The following FEZ2 variants were observed in gnomAD, a reference collection of about 807,000 sequenced individuals.
FEZ2 encodes the protein fasciculation and elongation protein zeta 2, also known as fasciculation and elongation protein zeta-2.
FEZ2 carries 51 observed loss-of-function variants against 40.4 expected under a neutral mutation model. The observed-to-expected ratio is 1.26, with a 90% CI of 1.01 to 1.59. The LOEUF (loss-of-function observed/expected upper bound fraction) is 1.59, where lower values mean the gene tolerates loss of function less well. FEZ2 is among the 40% of genes most tolerant of loss of function. The probability of loss-of-function intolerance (pLI) is 0.00; values close to 1 mark genes in which losing one functional copy is unlikely to be tolerated. For missense variants in FEZ2, 640 were observed against 438.3 expected, an observed-to-expected ratio of 1.46 and a Z score of -4.11; for synonymous variants, 242 against 172.0, an observed-to-expected ratio of 1.41 and a Z score of -3.18.
intron 3 of FEZ2, among the ~76,000 whole-genome samples, chr2:36,582,108 C>T (rs996424971): frequency 6.6e-6 from 1 of 152,048 alleles, no homozygotes; most frequent in Non-Finnish European, 1.5e-5. Context: ...CTGCTCAAAT[C>T]TTACAACAGT....
At position 36,574,817 on chromosome 2, in the gene FEZ2, C is replaced by T. The variant is rs533553336; in HGVS notation, c.903+3780G>A. ...ACAGTGCCCTTTAACCACTCTCTAACCCCCCATCCTCTGCTCCTCCAGATG... is the reference window on the plus strand; with the variant it reads ...ACAGTGCCCTTTAACCACTCTCTAATCCCCCATCCTCTGCTCCTCCAGATG... On this transcript the variant is annotated intron_variant, in intron 5 of 7. Coordinates refer to ENST00000405912, the MANE Select transcript of FEZ2 (RefSeq NM_005102.3). 7.2e-5 allele frequency among the ~76,000 whole-genome samples: 11 copies of T among 152,254 alleles called. No homozygotes were observed. The East Asian group carries it at 1.9e-3, about 27-fold the overall frequency.
Position 36,597,957 on chromosome 2 carries a change from G to A in FEZ2, c.186C>T (p.Phe62=). Residue 62 remains phenylalanine (F), a synonymous_variant, in exon 1 of 8, where the codon TTC becomes TTT. Transcript: ENST00000405912. ...CSLEEKLSLC[F]RPSDPGAEPP... is the part of the protein sequence containing the mutation. Reference sequence around the variant, plus strand: ...GCTCGGCGCCCGGATCCGAGGGGCGGAAGCACAGGCTCAGCTTCTCCTCCA... The same window carrying A: ...GCTCGGCGCCCGGATCCGAGGGGCGAAAGCACAGGCTCAGCTTCTCCTCCA... The A allele has an allele frequency of 2.0e-6, 3 of 1,469,114 alleles. No individual in the cohort carries two copies. Among genetic ancestry groups the A allele is most frequent in the Non-Finnish European group, 2.7e-6 (3 of 1,116,858 alleles). The allele number at this position is 1,469,114 out of a possible 1,614,324, so 91.0% of individuals were successfully genotyped here. A position where few individuals can be genotyped will look rare whatever the true frequency, so the allele number is the denominator to read the frequency against.
At chr2:36,588,468 G>C (rs1413300301) in intron 2 of FEZ2, among the ~76,000 whole-genome samples, 2 of 152,124 alleles carry the variant, frequency 1.3e-5, no homozygotes, top group African/African-American at 4.8e-5. Context: ...TGCAATCTAA[G>C]AACAATACAA....
chr2:36,574,140 T>G (rs1668496752), intron 5 of FEZ2, among the ~76,000 whole-genome samples: 1 of 152,226 alleles, frequency 6.6e-6, no homozygotes, highest in African/African-American at 2.4e-5. Context: ...ACAATTAGCA[T>G]TTACTCATGG....
In FEZ2 at chr2:36,583,475, A is replaced by C; in HGVS notation, c.376-6T>G. 7.2e-7 allele frequency: 1 copy of C among 1,386,942 alleles called. No individual in the cohort carries two copies. 85.9% of individuals were successfully genotyped at this position (1,386,942 alleles called of 1,614,324 possible). ...AAGAGCAAACTGTCACTTACCTAAA[A>C]ACAAAAATACCCATCATTAAAAGCA... On this transcript the variant is annotated splice_region_variant and splice_polypyrimidine_tract_variant and intron_variant, in intron 2 of 7. Coordinates refer to ENST00000405912, the MANE Select transcript of FEZ2 (RefSeq NM_005102.3).
intron 2 of FEZ2, among the ~76,000 whole-genome samples, chr2:36,583,818 C>T (rs780951296): frequency 6.6e-6 from 1 of 152,108 alleles, no homozygotes; most frequent in Admixed American, 6.5e-5. Flanking sequence ...GATTGGTAGA[C>T]GTTAACATTC....
At position 36,552,378 on chromosome 2, in the gene FEZ2, C is replaced by A; in HGVS notation, c.*785G>T. 1 of 371,322 alleles carries A rather than the reference C, an allele frequency of 2.7e-6. No individual in the cohort carries two copies. The allele number at this position is 371,322 out of a possible 1,614,324, so 23.0% of individuals were successfully genotyped here. On this transcript the variant is annotated 3_prime_UTR_variant, in exon 8 of 8. Coordinates refer to ENST00000405912, the MANE Select transcript of FEZ2 (RefSeq NM_005102.3). Reference sequence around the variant, plus strand: ...AGAATTCATACTTAAGAAAAACACACAGGCATGAATAAAATAGGACACAGT... The same window carrying A: ...AGAATTCATACTTAAGAAAAACACAAAGGCATGAATAAAATAGGACACAGT...
Position 36,593,640 on chromosome 2 carries a change from C to T in FEZ2, c.267-2629G>A, listed in dbSNP as rs941799447. Reference sequence around the variant, plus strand: ...TACACAGGGCACCAAGTCCCTAGGCCGCATACAGCAGGCAGACCCTAGGCC... The same window carrying T: ...TACACAGGGCACCAAGTCCCTAGGCTGCATACAGCAGGCAGACCCTAGGCC... On this transcript the variant is annotated intron_variant, in intron 1 of 7. Transcript: ENST00000405912. Among the ~76,000 whole-genome samples the T allele has an allele frequency of 2.6e-5, 4 of 151,986 alleles. 1 individual carries two copies. The highest frequency in any genetic ancestry group is 2.1e-4 in the South Asian group (1 of 4,824).
chr2:36,598,075 T>A lies in FEZ2; in HGVS notation c.68A>T (p.Gln23Leu). The A allele has an allele frequency of 6.8e-7, 1 of 1,472,692 alleles. No individual in the cohort carries two copies. Among genetic ancestry groups the A allele is most frequent in the East Asian group, 2.9e-5 (1 of 34,116 alleles). 91.2% of individuals were successfully genotyped at this position (1,472,692 alleles called of 1,614,324 possible). A position where few individuals can be genotyped will look rare whatever the true frequency, so the allele number is the denominator to read the frequency against. The change falls in exon 1 of 8, where the codon CAG (glutamine) becomes CTG (leucine). Residue 23 changes from glutamine (Q) to leucine (L), a missense_variant. Transcript: ENST00000405912. ...CTCGGGGCTCGCGTTACAGTTCTCC[T>A]GGTCCAGGAGGCTCCGGGCCGGCTC... ...FQEPARSLLD[Q>L]ENCNASPEPG... is the part of the protein sequence containing the mutation.
In FEZ2 at chr2:36,598,043, C is replaced by G. The variant is rs1375302053; in HGVS notation, c.100G>C (p.Ala34Pro). Residue 34 changes from alanine to proline, a missense_variant, in exon 1 of 8, where the codon GCG becomes CCG. By Grantham distance (27) the Ala-to-Pro change is conservative. Coordinates refer to ENST00000405912, the MANE Select transcript of FEZ2 (RefSeq NM_005102.3). ...CCACCCGCCTCGGCCCCCGCCTCCG[C>G]CCCAGGCTCGGGGCTCGCGTTACAG... The part of the protein sequence containing the change: ...ENCNASPEPG[A>P]EAGAEAGGGA... The G allele has an allele frequency of 2.7e-6, 4 of 1,501,742 alleles. No homozygotes were observed. The highest frequency in any genetic ancestry group is 1.5e-5 in the African/African-American group (1 of 68,824). The allele number at this position is 1,501,742 out of a possible 1,614,324, so 93.0% of individuals were successfully genotyped here. A position where few individuals can be genotyped will look rare whatever the true frequency, so the allele number is the denominator to read the frequency against.
chr2:36,587,785 C>T (rs1421246013), intron 2 of FEZ2, among the ~76,000 whole-genome samples: 1 of 151,982 alleles, frequency 6.6e-6, no homozygotes, highest in Non-Finnish European at 1.5e-5. Flanking sequence ...AATACAGTCA[C>T]TTTGCCAGAT....
At chr2:36,555,886 T>C in intron 6 of FEZ2, 138 bp from the exon 7 acceptor site, 1 of 657,964 alleles carries the variant, frequency 1.5e-6, no homozygotes. Flanking sequence ...GTGATTTTCC[T>C]GATAAGGGGA....
At chr2:36,574,910 A>G (rs1261162304) in intron 5 of FEZ2, among the ~76,000 whole-genome samples, 1 of 152,102 alleles carries the variant, frequency 6.6e-6, no homozygotes, top group East Asian at 1.9e-4. Flanking sequence ...AAAGAGGTCC[A>G]CTCCTTTAAC....
intron 5 of FEZ2, among the ~76,000 whole-genome samples, chr2:36,567,588 C>T (rs970246917): frequency 3.3e-5 from 5 of 151,944 alleles, no homozygotes; most frequent in African/African-American, 1.2e-4. Flanking sequence ...CTGGTGAAAC[C>T]TCATCTCTAC....
At chr2:36,588,176 G>A (rs767481735) in intron 2 of FEZ2, among the ~76,000 whole-genome samples, 1 of 152,088 alleles carries the variant, frequency 6.6e-6, no homozygotes. Context: ...TTACAGGCAT[G>A]CGCCACCACG....
At chr2:36,578,548 C>A in intron 5 of FEZ2, 49 bp downstream of exon 5, 2 of 1,573,112 alleles carry the variant, frequency 1.3e-6, no homozygotes, top group South Asian at 1.2e-5. Context: ...CTGGGACTAC[C>A]ACAGAACCTG....
At chr2:36,595,329 C>G (rs551653471) in intron 1 of FEZ2, among the ~76,000 whole-genome samples, 6 of 152,066 alleles carry the variant, frequency 3.9e-5, no homozygotes, top group African/African-American at 1.4e-4. Context: ...TGTTTTCCTG[C>G]AACTAGATGG....
intron 5 of FEZ2, among the ~76,000 whole-genome samples, chr2:36,560,249 G>A (rs900236028): frequency 7.2e-5 from 11 of 151,966 alleles, no homozygotes; most frequent in African/African-American, 1.2e-4. Flanking sequence ...AAATAATGTC[G>A]CATGCCTCGT....
chr2:36,570,421 CTT>C (rs906715803), intron 5 of FEZ2, among the ~76,000 whole-genome samples: 6 of 152,094 alleles, frequency 3.9e-5, no homozygotes, highest in African/African-American at 4.8e-5. Flanking sequence ...TTTTATGTAA[CTT>C]AATATTAATG....
Sources: allele counts gnomAD v4.1 joint callset (sites outside exome capture counted in the v4.1 genomes callset), GRCh38; gene constraint gnomAD v4.1.1; transcripts MANE v1.5; gene names NCBI Gene and HGNC (gene_info 2026-07-23, HGNC 2026-07-21).